CSMD3: variants seen among roughly 807,000 people sequenced by gnomAD.
The protein encoded by CSMD3 is CUB and Sushi multiple domains 3.
In CSMD3, 177 loss-of-function variants were observed where a neutral mutation model predicts 435.2. The ratio of observed to expected loss-of-function variants is 0.41; its 90% CI spans 0.36 to 0.46. The LOEUF is 0.46. Ranked by LOEUF, CSMD3 falls within the 20% of genes least tolerant of loss-of-function variation. The pLI is 0.34. For synonymous variants in CSMD3, 1,656 were observed against 1,520.5 expected, an observed-to-expected ratio of 1.09 and a Z score of -2.07; for missense variants, 4,265 against 4,504.6, an observed-to-expected ratio of 0.95 and a Z score of 1.52.
chr8:112,881,110 A>T (rs895939851), intron 10 of CSMD3, among the ~76,000 whole-genome samples: 2 of 152,092 alleles, frequency 1.3e-5, no homozygotes, highest in African/African-American at 2.4e-5. Flanking sequence ...CTCTATGAGA[A>T]TAATCACACA....
intron 10 of CSMD3, among the ~76,000 whole-genome samples, chr8:112,883,469 G>A (rs1256093389): frequency 6.6e-6 from 1 of 151,936 alleles, no homozygotes; most frequent in African/African-American, 2.4e-5. Context: ...CAAATAGGTA[G>A]TGTTTTTCTA....
At chr8:112,810,111 T>C (rs2079184407) in intron 12 of CSMD3, among the ~76,000 whole-genome samples, 1 of 152,160 alleles carries the variant, frequency 6.6e-6, no homozygotes. Context: ...CCTACTGCAA[T>C]AGTTTTAGGA....
chr8:112,836,934 T>C (rs1003161295), intron 11 of CSMD3, among the ~76,000 whole-genome samples: 1 of 151,884 alleles, frequency 6.6e-6, no homozygotes, highest in East Asian at 1.9e-4. Flanking sequence ...TGCTTGATGA[T>C]AGTAATTACA....
chr8:112,920,049 A>T (rs540981725), intron 10 of CSMD3, among the ~76,000 whole-genome samples: 45 of 151,906 alleles, frequency 3.0e-4, no homozygotes, highest in Non-Finnish European at 5.9e-4. Context: ...CATTATTAAA[A>T]ATAATAACCA....
intron 3 of CSMD3, among the ~76,000 whole-genome samples, chr8:113,207,654 A>T (rs1008616038): frequency 3.9e-5 from 6 of 152,114 alleles, no homozygotes; most frequent in African/African-American, 1.4e-4. Flanking sequence ...AAGTGCTGGG[A>T]TTACAGGTGT....
intron 13 of CSMD3, among the ~76,000 whole-genome samples, chr8:112,784,803 C>T (rs866571097): frequency 6.6e-6 from 1 of 151,840 alleles, no homozygotes; most frequent in Admixed American, 6.6e-5. Context: ...AACTTGGGAC[C>T]CAATGGATTC....
At chr8:113,343,811 C>T (rs1234308722) in intron 1 of CSMD3, among the ~76,000 whole-genome samples, 1 of 152,080 alleles carries the variant, frequency 6.6e-6, no homozygotes, top group East Asian at 1.9e-4. Context: ...GTGGCTCATG[C>T]CTGTAATCCC....
intron 3 of CSMD3, among the ~76,000 whole-genome samples, chr8:113,202,612 A>G (rs1223019324): frequency 2.0e-5 from 3 of 152,124 alleles, no homozygotes; most frequent in Non-Finnish European, 4.4e-5. Context: ...AAGCAATATT[A>G]TCTGCATTCT....
intron 27 of CSMD3, among the ~76,000 whole-genome samples, chr8:112,531,348 G>A (rs1291284579): frequency 6.6e-6 from 1 of 152,030 alleles, no homozygotes; most frequent in Non-Finnish European, 1.5e-5. Context: ...GAGGCCTGAG[G>A]CTATCAATAA....
chr8:113,272,994 A>G (rs371202803), intron 3 of CSMD3, among the ~76,000 whole-genome samples: 3 of 152,132 alleles, frequency 2.0e-5, no homozygotes, highest in East Asian at 1.9e-4. Flanking sequence ...TTCTAAAATA[A>G]CTAGTGAAGT....
At chr8:113,299,345 A>C (rs2093746258) in intron 2 of CSMD3, among the ~76,000 whole-genome samples, 1 of 152,080 alleles carries the variant, frequency 6.6e-6, no homozygotes, top group Admixed American at 6.6e-5. Context: ...TATGTGTAGA[A>C]TAGCTATTTG....
chr8:112,902,099 ACT>A (rs1338130498), intron 10 of CSMD3, among the ~76,000 whole-genome samples: 3 of 151,282 alleles, frequency 2.0e-5, no homozygotes, highest in Non-Finnish European at 3.0e-5. Context: ...GACCTTGATG[ACT>A]TTTTTGAGCT....
chr8:112,653,281 T>C (rs1563815690), intron 18 of CSMD3, among the ~76,000 whole-genome samples: 1 of 152,248 alleles, frequency 6.6e-6, no homozygotes, highest in South Asian at 2.1e-4. Flanking sequence ...ATTTATGTAA[T>C]ACAACGTTTG....
rs776476026 is a variant in CSMD3 at position 112,947,819 on chromosome 8, T to C, written c.1479A>G (p.Glu493=). The C allele has an allele frequency of 9.3e-6, 14 of 1,501,488 alleles. No homozygotes were observed. Among genetic ancestry groups the C allele is most frequent in the Non-Finnish European group, 1.3e-5 (14 of 1,079,414 alleles). 93.0% of individuals were successfully genotyped at this position (1,501,488 alleles called of 1,614,324 possible). A position where few individuals can be genotyped will look rare whatever the true frequency, so the allele number is the denominator to read the frequency against. Residue 493 remains glutamate (E), a synonymous_variant, in exon 9 of 71, where the codon GAA becomes GAG. Coordinates refer to ENST00000297405, the MANE Select transcript of CSMD3 (RefSeq NM_198123.2). ...SNLCPDPGEP[E]NGKRIGSDFS... is the part of the protein sequence containing the mutation. ...AATCTGATCCGATTCTCTTCCCATT[T>C]TCTGGTTCTCCTGGATCTGGGCATA...
intron 63 of CSMD3, among the ~76,000 whole-genome samples, chr8:112,248,804 AC>A (rs1197276679): frequency 2.0e-5 from 3 of 151,902 alleles, no homozygotes; most frequent in Non-Finnish European, 4.4e-5. Flanking sequence ...TCTGACAACA[AC>A]CTTTTTTCTT....
chr8:113,247,667 T>G (rs2093289746), intron 3 of CSMD3, among the ~76,000 whole-genome samples: 1 of 152,110 alleles, frequency 6.6e-6, no homozygotes, highest in African/African-American at 2.4e-5. Flanking sequence ...ATGTCTTGAT[T>G]TGGTTGTCAT....
At chr8:112,322,387 T>G (rs1248008855) in intron 45 of CSMD3, among the ~76,000 whole-genome samples, 1 of 152,072 alleles carries the variant, frequency 6.6e-6, no homozygotes, top group Non-Finnish European at 1.5e-5. Context: ...TGCTGTGAGC[T>G]AATGTCTTAT....
intron 53 of CSMD3, among the ~76,000 whole-genome samples, chr8:112,299,101 G>A (rs1050822369): frequency 6.6e-6 from 1 of 152,088 alleles, no homozygotes; most frequent in Non-Finnish European, 1.5e-5. Context: ...ATACAAAAGA[G>A]TGCACAATTT....
At chr8:112,923,540 A>G (rs2082812690) in intron 9 of CSMD3, among the ~76,000 whole-genome samples, 1 of 152,046 alleles carries the variant, frequency 6.6e-6, no homozygotes, top group South Asian at 2.1e-4. Flanking sequence ...GAAGTCCTGT[A>G]TCTCCCATTC....
Sources: gnomAD v4.1 joint callset for allele counts (sites outside exome capture counted in the v4.1 genomes callset) on GRCh38, gnomAD v4.1.1 for gene constraint, MANE v1.5 for transcripts, NCBI Gene and HGNC (gene_info 2026-07-23, HGNC 2026-07-21) for gene names.